The following PSD3 variants were observed in gnomAD, a reference collection of about 807,000 sequenced individuals.
PSD3 encodes pleckstrin and Sec7 domain containing 3.
Under a neutral mutation model 105.5 loss-of-function variants are expected in PSD3, and 49 were observed. The observed-to-expected ratio is 0.46, with a 90% CI of 0.37 to 0.59. The LOEUF is 0.59. Among genes scored for constraint, PSD3 ranks in the 20% least tolerant of loss-of-function variants. PSD3 has a pLI of 0.00. For synonymous variants in PSD3, 557 were observed against 457.8 expected (o/e 1.22, Z -2.77); for missense variants, 1,561 against 1,263.8 (o/e 1.24, Z -3.57).
chr8:18,639,848 A>G (rs542510641), intron 10 of PSD3, among the ~76,000 whole-genome samples: 1 of 152,258 alleles, frequency 6.6e-6, no homozygotes, highest in South Asian at 2.1e-4. Flanking sequence ...TGCAGATGGG[A>G]GTGTGCCCTA....
At chr8:18,887,755 ATTTAC>A (rs999453500) in intron 2 of PSD3, among the ~76,000 whole-genome samples, 16 of 152,300 alleles carry the variant, frequency 1.1e-4, no homozygotes, top group African/African-American at 3.8e-4. Context: ...TTCCATATAC[ATTTAC>A]TGAGTGCCAA....
chr8:18,774,504 C>A (rs543062953), intron 8 of PSD3: 418 of 247,454 alleles, frequency 1.7e-3, no homozygotes, highest in Non-Finnish European at 2.8e-3. Flanking sequence ...ATTAACCTAA[C>A]ACCTTTTTTT....
chr8:18,883,154 C>G (rs1818227493), intron 2 of PSD3, among the ~76,000 whole-genome samples: 1 of 152,134 alleles, frequency 6.6e-6, no homozygotes, highest in South Asian at 2.1e-4. Flanking sequence ...GATTTGTATA[C>G]ACGTTACAGG....
chr8:18,610,592 G>A (rs1281304675), intron 11 of PSD3, among the ~76,000 whole-genome samples: 1 of 152,040 alleles, frequency 6.6e-6, no homozygotes, highest in Non-Finnish European at 1.5e-5. Context: ...AATTTAATTG[G>A]GCTGAAGCTT....
At chr8:18,545,521 G>A (rs1344329801) in intron 15 of PSD3, among the ~76,000 whole-genome samples, 1 of 152,168 alleles carries the variant, frequency 6.6e-6, no homozygotes, top group African/African-American at 2.4e-5. Flanking sequence ...AGAAGGTTAA[G>A]CTTCCACTTA....
chr8:18,865,205 C>T (rs1185977004), intron 4 of PSD3: 1 of 117,140 alleles, frequency 8.5e-6, no homozygotes, highest in African/African-American at 3.1e-5. Context: ...TCCCACCAAA[C>T]TGGAATACAG....
intron 15 of PSD3, among the ~76,000 whole-genome samples, chr8:18,547,500 T>G (rs142819710): frequency 1.6e-3 from 238 of 152,284 alleles, no homozygotes; most frequent in African/African-American, 5.4e-3. Flanking sequence ...GCAGGGAACA[T>G]GAGCTGGCAG....
At chr8:18,548,366 G>T (rs528514841) in intron 15 of PSD3, among the ~76,000 whole-genome samples, 90 of 152,048 alleles carry the variant, frequency 5.9e-4, no homozygotes, top group African/African-American at 2.1e-3. Flanking sequence ...ATTATTTTTT[G>T]ATTTTTACAG....
In PSD3 at chr8:18,556,332, A is replaced by G. The variant is rs1356912006; in HGVS notation, c.2805T>C (p.His935=). 5.6e-6 allele frequency: 9 copies of G among 1,612,706 alleles called. No homozygotes were observed. The highest frequency in any genetic ancestry group is 4.5e-5 in the East Asian group (2 of 44,864). The change falls in exon 15 of 16, where the codon CAT becomes CAC. Residue 935 remains histidine (H), a synonymous_variant. Coordinates refer to ENST00000327040, the MANE Select transcript of PSD3 (RefSeq NM_015310.4). ...KLSQEEQLKS[H]ESKLKQITTE... ...TGGTGATCTGCTTCAGCTTACTTTC[A>G]TGTGACTTCAGTTGCTCCTCCTGCA... is the stretch of plus-strand genomic sequence containing the variant.
chr8:18,908,270 A>C (rs961184069), intron 2 of PSD3, among the ~76,000 whole-genome samples: 1 of 152,212 alleles, frequency 6.6e-6, no homozygotes, highest in Admixed American at 6.5e-5. Context: ...CAATTAAGTA[A>C]GACTTTTGGA....
intron 1 of PSD3, among the ~76,000 whole-genome samples, chr8:19,069,878 A>T (rs183307556): frequency 6.6e-6 from 1 of 152,206 alleles, no homozygotes; most frequent in East Asian, 1.9e-4. Context: ...TATCTCCCCA[A>T]TATTGCTATT....
chr8:18,840,704 T>A (rs990072803), intron 4 of PSD3, among the ~76,000 whole-genome samples: 6 of 152,150 alleles, frequency 3.9e-5, no homozygotes, highest in Non-Finnish European at 2.9e-5. Context: ...AGTCTGACTT[T>A]AGAGACCACA....
intron 9 of PSD3, among the ~76,000 whole-genome samples, chr8:18,677,321 G>T (rs1446648612): frequency 1.3e-5 from 2 of 152,106 alleles, no homozygotes; most frequent in African/African-American, 2.4e-5. Context: ...CTCATGCCTT[G>T]AATGCCAGCA....
Position 18,537,936 on chromosome 8 carries a change from C to A in PSD3, c.2929-1978G>T, listed in dbSNP as rs572859380. The stretch of plus-strand genomic sequence containing the variant: ...AGGTGATCCACCCGCCTCGGCCTCC[C>A]AAAGTGCTGGGATTACAGGCGTGAG... On this transcript the variant is annotated intron_variant, in intron 15 of 15. Transcript: ENST00000327040. 3.9e-5 allele frequency among the ~76,000 whole-genome samples: 6 copies of A among 152,332 alleles called. No homozygotes were observed. The South Asian group carries it at 1.2e-3, about 32-fold the overall frequency.
chr8:18,582,167 T>C (rs1205798200), intron 12 of PSD3, among the ~76,000 whole-genome samples: 1 of 152,114 alleles, frequency 6.6e-6, no homozygotes, highest in Non-Finnish European at 1.5e-5. Context: ...GTGGAGTGGA[T>C]CAAACTGGAA....
At chr8:18,883,027 G>C (rs1438653071) in intron 2 of PSD3, among the ~76,000 whole-genome samples, 1 of 152,046 alleles carries the variant, frequency 6.6e-6, no homozygotes, top group Non-Finnish European at 1.5e-5. Context: ...ACTCAGTGTG[G>C]TCTTGAGAAA....
intron 1 of PSD3, among the ~76,000 whole-genome samples, 185 bp from the exon 2 acceptor site, chr8:18,936,327 C>A (rs1386158560): frequency 2.0e-5 from 3 of 152,000 alleles, no homozygotes; most frequent in Non-Finnish European, 4.4e-5. Flanking sequence ...ACTATCACTG[C>A]ATGATTATAG....
intron 11 of PSD3, among the ~76,000 whole-genome samples, chr8:18,623,921 C>T (rs1378411737): frequency 1.3e-5 from 2 of 152,084 alleles, no homozygotes; most frequent in Non-Finnish European, 2.9e-5. Context: ...CTTCTGCAAG[C>T]CGCTTTTTTT....
intron 11 of PSD3, among the ~76,000 whole-genome samples, chr8:18,616,284 C>A (rs1425826896): frequency 6.6e-6 from 1 of 152,220 alleles, no homozygotes; most frequent in Non-Finnish European, 1.5e-5. Flanking sequence ...CTGAGGAAAA[C>A]CAAAATACCC....
Sources: allele counts gnomAD v4.1 joint callset (sites outside exome capture counted in the v4.1 genomes callset), GRCh38; gene constraint gnomAD v4.1.1; transcripts MANE v1.5; gene names NCBI Gene and HGNC (gene_info 2026-07-23, HGNC 2026-07-21).